RBFOX1: variants seen among roughly 807,000 people sequenced by gnomAD.
RBFOX1 encodes RNA binding protein fox-1 homolog 1.
In RBFOX1, 8 loss-of-function variants were observed where a neutral mutation model predicts 57.7. The ratio of observed to expected loss-of-function variants is 0.14; its 90% CI spans 0.08 to 0.25. The LOEUF (loss-of-function observed/expected upper bound fraction) is 0.25. Among genes scored for constraint, RBFOX1 ranks in the 10% least tolerant of loss-of-function variants. The pLI, the probability that RBFOX1 is intolerant of heterozygous loss-of-function variation, is 1.00. For missense variants in RBFOX1, 611 were observed against 548.5 expected (o/e 1.11, Z -1.14); for synonymous variants, 326 against 222.4 (o/e 1.47, Z -4.15).
In RBFOX1 at chr16:6,804,085, C is replaced by A. The variant is rs183409547; in HGVS notation, c.-16+149435C>A. Among the ~76,000 whole-genome samples the A allele has an allele frequency of 2.4e-3, 363 of 152,126 alleles. 1 individual carries two copies. The highest frequency in any genetic ancestry group is 3.9e-3 in the Admixed American group (59 of 15,284). ...GCAATGACATGATCTCAGCTCGCTG[C>A]AACCTCTGCCTCCTGGGTTCAAGTG... On this transcript the variant is annotated intron_variant, in intron 3 of 15. Transcript: ENST00000550418.
intron 2 of RBFOX1, among the ~76,000 whole-genome samples, chr16:6,361,071 G>C (rs1283096837): frequency 6.6e-6 from 1 of 151,904 alleles, no homozygotes; most frequent in Non-Finnish European, 1.5e-5. Flanking sequence ...GTTTAATCTT[G>C]AGCCACCCCT....
chr16:5,635,407 G>T lies in RBFOX1; in HGVS notation c.318+36446G>T, dbSNP rs1440992697. ...TAATGGCATATGTTGTGAACACCTG[G>T]TGGCCTCCATTCCTCATGGAGTTAA... On this transcript the variant is annotated intron_variant, in intron 3 of 19. Transcript: ENST00000641259. Among the ~76,000 whole-genome samples the T allele has an allele frequency of 2.6e-5, 4 of 152,298 alleles. No individual in the cohort carries two copies. In the East Asian group the frequency reaches 7.7e-4, roughly 29 times the overall value.
intron 3 of RBFOX1, among the ~76,000 whole-genome samples, chr16:6,751,496 C>G (rs1482913846): frequency 6.6e-6 from 1 of 152,164 alleles, no homozygotes; most frequent in Non-Finnish European, 1.5e-5. Context: ...TACAGCAACT[C>G]TTTGCCTCAC....
chr16:6,048,687 T>G (rs2095519988), intron 1 of RBFOX1, among the ~76,000 whole-genome samples: 1 of 152,194 alleles, frequency 6.6e-6, no homozygotes, highest in African/African-American at 2.4e-5. Flanking sequence ...TTATCATTCA[T>G]TATATACGAG....
intron 4 of RBFOX1, among the ~76,000 whole-genome samples, chr16:7,431,627 C>T (rs777865109): frequency 1.3e-5 from 2 of 152,164 alleles, no homozygotes; most frequent in Non-Finnish European, 2.9e-5. Context: ...TTAATGCAAC[C>T]GCCATCACTG....
At chr16:6,579,997 C>T (rs903673948) in intron 2 of RBFOX1, among the ~76,000 whole-genome samples, 6 of 151,866 alleles carry the variant, frequency 4.0e-5, no homozygotes, top group Admixed American at 6.6e-5. Flanking sequence ...CTTGCTCTGT[C>T]GCCCAGGCTG....
At chr16:7,142,382 C>T (rs1328254979) in intron 4 of RBFOX1, among the ~76,000 whole-genome samples, 1 of 152,106 alleles carries the variant, frequency 6.6e-6, no homozygotes, top group African/African-American at 2.4e-5. Context: ...GAAATGAGGT[C>T]CATGTCCTGA....
intron 2 of RBFOX1, among the ~76,000 whole-genome samples, chr16:5,528,901 C>T (rs539250784): frequency 2.6e-5 from 4 of 152,234 alleles, no homozygotes; most frequent in African/African-American, 4.8e-5. Context: ...CCATCTGCTT[C>T]GGCCTCCCAA....
intron 3 of RBFOX1, among the ~76,000 whole-genome samples, chr16:5,711,602 G>A (rs905092970): frequency 1.3e-5 from 2 of 152,322 alleles, no homozygotes; most frequent in East Asian, 1.9e-4. Context: ...GAGCCTGGAA[G>A]ATGTCCTGGG....
intron 1 of RBFOX1, among the ~76,000 whole-genome samples, chr16:5,375,769 C>T (rs987483244): frequency 1.3e-5 from 2 of 152,200 alleles, no homozygotes; most frequent in East Asian, 1.9e-4. Context: ...AGCTGCAGTG[C>T]GTTCGTCCCT....
intron 4 of RBFOX1, among the ~76,000 whole-genome samples, chr16:5,939,019 A>T (rs1490699217): frequency 6.6e-6 from 1 of 152,056 alleles, no homozygotes; most frequent in Non-Finnish European, 1.5e-5. Context: ...TTATGTTCTC[A>T]TTCATAGGTG....
chr16:5,785,572 G>A (rs917310228), intron 3 of RBFOX1, among the ~76,000 whole-genome samples: 8 of 151,772 alleles, frequency 5.3e-5, no homozygotes, highest in African/African-American at 1.5e-4. Context: ...TTGTTGCCCA[G>A]ACTGGAGTGC....
chr16:6,880,188 TC>T (rs2062643325), intron 3 of RBFOX1, among the ~76,000 whole-genome samples: 1 of 149,836 alleles, frequency 6.7e-6, no homozygotes, highest in African/African-American at 2.5e-5. Flanking sequence ...ATCTGTGTAC[TC>T]CTTTAAGGTA....
chr16:5,814,107 A>G (rs2055533777), intron 3 of RBFOX1, among the ~76,000 whole-genome samples: 1 of 152,152 alleles, frequency 6.6e-6, no homozygotes, highest in Admixed American at 6.5e-5. Context: ...ACCTGTAATT[A>G]CTCTTACAAG....
chr16:5,693,929 T>G (rs959062117), intron 3 of RBFOX1, among the ~76,000 whole-genome samples: 1 of 152,190 alleles, frequency 6.6e-6, no homozygotes, highest in African/African-American at 2.4e-5. Context: ...TCGTCACAGG[T>G]GGCAATGGCC....
intron 4 of RBFOX1, among the ~76,000 whole-genome samples, chr16:7,268,850 A>T (rs1648451984): frequency 6.6e-6 from 1 of 151,976 alleles, no homozygotes; most frequent in Admixed American, 6.5e-5. Flanking sequence ...CAGTTTCACC[A>T]ACATGGTGAA....
chr16:7,155,562 C>G (rs184949972), intron 4 of RBFOX1, among the ~76,000 whole-genome samples: 2 of 150,060 alleles, frequency 1.3e-5, no homozygotes, highest in African/African-American at 4.9e-5. Context: ...CACCACTGCC[C>G]TCCAGCTTGG....
At position 7,014,406 on chromosome 16, in the gene RBFOX1, T is replaced by G. The variant is rs191126942; in HGVS notation, c.-15-37651T>G. ...TTTTATTTTTATTTTTTTGTTTTTA[T>G]TTTATTTTATTTTTTTTTAAAGTAG... On this transcript the variant is annotated intron_variant, in intron 3 of 15. Transcript: ENST00000550418. 1.8e-3 allele frequency among the ~76,000 whole-genome samples: 270 copies of G among 151,926 alleles called. 2 individuals are homozygous for G. Among genetic ancestry groups the G allele is most frequent in the African/African-American group, 6.2e-3 (258 of 41,426 alleles).
chr16:6,898,927 G>C (rs924679327), intron 3 of RBFOX1, among the ~76,000 whole-genome samples: 2 of 151,350 alleles, frequency 1.3e-5, no homozygotes, highest in African/African-American at 4.9e-5. Flanking sequence ...ATGTGTATAT[G>C]TGTGTATGTG....
Sources: gnomAD v4.1 joint callset for allele counts (sites outside exome capture counted in the v4.1 genomes callset) on GRCh38, gnomAD v4.1.1 for gene constraint, MANE v1.5 for transcripts, NCBI Gene and HGNC (gene_info 2026-07-23, HGNC 2026-07-21) for gene names.